The following GLI3 variants were observed in gnomAD, a reference collection of about 807,000 sequenced individuals.
GLI3 encodes GLI family zinc finger 3, also known as transcription activator GLI3.
In GLI3, 20 loss-of-function variants were observed where a neutral mutation model predicts 100.8. That is an observed-to-expected ratio of 0.20 (90% CI 0.14 to 0.29). The LOEUF is 0.29. Among genes scored for constraint, GLI3 ranks in the 10% least tolerant of loss-of-function variants. The probability of loss-of-function intolerance (pLI) is 1.00; values close to 1 mark genes in which losing one functional copy is unlikely to be tolerated. For synonymous variants in GLI3, 938 were observed against 860.5 expected (o/e 1.09, Z -1.58); for missense variants, 2,040 against 2,128.5 (o/e 0.96, Z 0.82).
At chr7:42,031,143 C>T (rs1320075393) in intron 7 of GLI3, among the ~76,000 whole-genome samples, 1 of 152,198 alleles carries the variant, frequency 6.6e-6, no homozygotes, top group Non-Finnish European at 1.5e-5. Flanking sequence ...CCACTCTTTC[C>T]AATGAGTCAC....
chr7:42,004,619 A>G (rs933141439), intron 10 of GLI3, among the ~76,000 whole-genome samples: 1 of 152,134 alleles, frequency 6.6e-6, no homozygotes, highest in Non-Finnish European at 1.5e-5. Context: ...ATACTCCATT[A>G]TTATCTGGGG....
chr7:42,015,764 C>T (rs191751962), intron 10 of GLI3, among the ~76,000 whole-genome samples: 1 of 152,154 alleles, frequency 6.6e-6, no homozygotes, highest in Admixed American at 6.5e-5. Context: ...CCCCCCCACA[C>T]ATAGGTATAT....
intron 2 of GLI3, among the ~76,000 whole-genome samples, chr7:42,217,921 T>C (rs1475273791): frequency 6.6e-6 from 1 of 152,242 alleles, no homozygotes; most frequent in Non-Finnish European, 1.5e-5. Context: ...CCTTCCTATA[T>C]GTTTATGATA....
intron 3 of GLI3, among the ~76,000 whole-genome samples, chr7:42,106,140 G>C (rs895611554): frequency 2.0e-5 from 3 of 152,174 alleles, no homozygotes; most frequent in African/African-American, 7.2e-5. Context: ...AGCAGTTCCA[G>C]CATGTTCCGT....
chr7:42,132,397 G>A (rs947127213), intron 3 of GLI3, among the ~76,000 whole-genome samples: 4 of 152,160 alleles, frequency 2.6e-5, no homozygotes, highest in African/African-American at 7.2e-5. Flanking sequence ...ACCGCGCCCG[G>A]CCGGCTTCAT....
chr7:42,136,235 G>A (rs747992435), intron 3 of GLI3, among the ~76,000 whole-genome samples: 2 of 152,166 alleles, frequency 1.3e-5, no homozygotes, highest in Non-Finnish European at 2.9e-5. Context: ...CACCATTAAC[G>A]AAGCAGATGT....
chr7:42,149,345 T>TA, intron 2 of GLI3, among the ~76,000 whole-genome samples: 1 of 152,366 alleles, frequency 6.6e-6, no homozygotes, highest in South Asian at 2.1e-4. Context: ...TCCAGTTTCC[T>TA]AATACTTCAG....
chr7:42,123,012 T>A (rs3801194), intron 3 of GLI3, among the ~76,000 whole-genome samples: 7 of 152,220 alleles, frequency 4.6e-5, no homozygotes, highest in South Asian at 2.1e-4. Flanking sequence ...CCTCTACTGT[T>A]TTCTTATGGT....
intron 13 of GLI3, among the ~76,000 whole-genome samples, chr7:41,968,762 AG>A (rs1397341003): frequency 4.2e-4 from 33 of 78,266 alleles, no homozygotes; most frequent in African/African-American, 1.5e-3. Context: ...GAAAGAAAGA[AG>A]GAAAGAAAGA....
chr7:42,082,578 C>T (rs965324553), intron 3 of GLI3, among the ~76,000 whole-genome samples: 2 of 152,146 alleles, frequency 1.3e-5, no homozygotes, highest in Non-Finnish European at 2.9e-5. Context: ...AGAATCCCCA[C>T]AGCATCACCT....
Position 41,965,429 on chromosome 7 carries a change from G to A in GLI3, c.3644C>T (p.Thr1215Ile). ...LRSGPAGGYQ[T>I]LGENSNPYGG... Reference sequence around the variant, plus strand: ...GTAGGGGTTGCTGTTCTCCCCGAGGGTCTGATAGCCCCCAGCAGGCCCGCT... The same window carrying A: ...GTAGGGGTTGCTGTTCTCCCCGAGGATCTGATAGCCCCCAGCAGGCCCGCT... The change falls in exon 15 of 15, where the codon ACC becomes ATC. Residue 1215 changes from threonine (T) to isoleucine (I), a missense_variant. Coordinates refer to ENST00000395925, the MANE Select transcript of GLI3 (RefSeq NM_000168.6). 6.2e-7 allele frequency: 1 copy of A among 1,607,834 alleles called. No homozygotes were observed. The highest frequency in any genetic ancestry group is 8.5e-7 in the Non-Finnish European group (1 of 1,176,920).
At chr7:42,033,844 A>G (rs1051636690) in intron 7 of GLI3, among the ~76,000 whole-genome samples, 1 of 152,226 alleles carries the variant, frequency 6.6e-6, no homozygotes, top group Non-Finnish European at 1.5e-5. Flanking sequence ...ACTTCCATCT[A>G]TAAAAGTTTC....
chr7:42,087,349 C>G (rs955688768), intron 3 of GLI3, among the ~76,000 whole-genome samples: 4 of 152,184 alleles, frequency 2.6e-5, no homozygotes, highest in African/African-American at 7.2e-5. Context: ...CCAGCAGATG[C>G]ATGCACACCC....
At chr7:42,019,526 A>T (rs1452610875) in intron 10 of GLI3, among the ~76,000 whole-genome samples, 2 of 152,248 alleles carry the variant, frequency 1.3e-5, no homozygotes, top group Admixed American at 6.5e-5. Flanking sequence ...TAAACCAAAT[A>T]ACATCAGCAC....
intron 7 of GLI3, among the ~76,000 whole-genome samples, chr7:42,036,168 G>A (rs78530052): frequency 0.069 from 10,483 of 152,184 alleles, 517 homozygotes; most frequent in Non-Finnish European, 0.1. Context: ...ACTTAAAATA[G>A]ACATTTGCTT....
chr7:42,209,231 T>G (rs111379897), intron 2 of GLI3, among the ~76,000 whole-genome samples: 6,818 of 152,136 alleles, frequency 0.045, 196 homozygotes, highest in Non-Finnish European at 0.066. Flanking sequence ...ATAATTTTTT[T>G]GTAGAGACAG....
chr7:42,209,957 T>TCTG (rs1788230449), intron 2 of GLI3, among the ~76,000 whole-genome samples: 1 of 114,702 alleles, frequency 8.7e-6, no homozygotes, highest in Non-Finnish European at 1.6e-5. Context: ...CTCTGGCAAA[T>TCTG]GCTGGGTCAT....
intron 2 of GLI3, among the ~76,000 whole-genome samples, chr7:42,174,081 T>G (rs920565518): frequency 2.6e-5 from 4 of 152,116 alleles, no homozygotes; most frequent in Admixed American, 6.5e-5. Flanking sequence ...TGCAGCATGG[T>G]TTCAAGTATT....
chr7:42,019,590 A>G (rs891719609), intron 10 of GLI3, among the ~76,000 whole-genome samples: 12 of 152,336 alleles, frequency 7.9e-5, no homozygotes, highest in Admixed American at 3.3e-4. Flanking sequence ...GAGAGTGGAT[A>G]CACTACAACT....
Sources: gnomAD v4.1 joint callset for allele counts (sites outside exome capture counted in the v4.1 genomes callset) on GRCh38, gnomAD v4.1.1 for gene constraint, MANE v1.5 for transcripts, NCBI Gene and HGNC (gene_info 2026-07-23, HGNC 2026-07-21) for gene names.